RASAL2: variants seen among roughly 807,000 people sequenced by gnomAD.
The protein encoded by RASAL2 is ras GTPase-activating protein nGAP.
A neutral mutation model predicts 128.9 loss-of-function variants in RASAL2; 58 were observed. The ratio of observed to expected loss-of-function variants is 0.45; its 90% CI spans 0.36 to 0.56. The LOEUF (loss-of-function observed/expected upper bound fraction) is 0.56. Ranked by LOEUF, RASAL2 falls within the 20% of genes least tolerant of loss-of-function variation. The pLI, the probability that RASAL2 is intolerant of heterozygous loss-of-function variation, is 0.00. For missense variants in RASAL2, 1,360 were observed against 1,601.6 expected (o/e 0.85, Z 2.57); for synonymous variants, 561 against 580.8 (o/e 0.97, Z 0.49).
At chr1:178,094,721 C>T (rs2102203187) in intron 1 of RASAL2, 27 bp downstream of exon 1, 1 of 1,611,292 alleles carries the variant, frequency 6.2e-7, no homozygotes, top group Non-Finnish European at 8.5e-7. Flanking sequence ...GTCTTAGAGG[C>T]TGGTGTTTCC....
intron 1 of RASAL2, among the ~76,000 whole-genome samples, chr1:178,153,425 T>G (rs1215950715): frequency 6.6e-6 from 1 of 152,242 alleles, no homozygotes; most frequent in African/African-American, 2.4e-5. Flanking sequence ...CAGAACATTT[T>G]GATTACTCTA....
chr1:178,452,591 C>A lies in RASAL2; in HGVS notation c.1948C>A (p.Arg650Ser). Residue 650 changes from arginine to serine, a missense_variant, in exon 11 of 18, where the codon CGC becomes AGC. Arg to Ser is a moderately radical substitution (Grantham distance 110). Transcript: ENST00000367649. ...FNLMQEYPDDRTSRTLTLIAK... is the reference protein window; with the variant it reads ...FNLMQEYPDDSTSRTLTLIAK... ...CCTTATGCAGGAGTATCCTGATGAC[C>A]GCACATCTCGGACTCTAACTCTTAT... 1 of 1,613,990 alleles carries A rather than the reference C, an allele frequency of 6.2e-7. No homozygotes were observed. The highest frequency in any genetic ancestry group is 8.5e-7 in the Non-Finnish European group (1 of 1,179,930).
intron 3 of RASAL2, among the ~76,000 whole-genome samples, chr1:178,340,283 TCTA>T (rs1571888492): frequency 2.6e-5 from 4 of 152,186 alleles, no homozygotes; most frequent in Admixed American, 2.0e-4. Context: ...TCTCTTCTGT[TCTA>T]CTGCTTTAAT....
chr1:178,348,578 C>T (rs139090666), intron 3 of RASAL2, among the ~76,000 whole-genome samples: 2 of 152,288 alleles, frequency 1.3e-5, no homozygotes, highest in East Asian at 3.9e-4. Flanking sequence ...GGATTACAGG[C>T]ATGAGCTACC....
chr1:178,220,026 G>A (rs1663563204), intron 1 of RASAL2, among the ~76,000 whole-genome samples: 1 of 151,906 alleles, frequency 6.6e-6, no homozygotes, highest in African/African-American at 2.4e-5. Context: ...AAAAGAGTGT[G>A]GTATGTCCTC....
chr1:178,361,979 A>G (rs144502254), intron 3 of RASAL2, among the ~76,000 whole-genome samples: 1 of 152,092 alleles, frequency 6.6e-6, no homozygotes, highest in East Asian at 1.9e-4. Context: ...TGCTTCTGTG[A>G]GAATCTGATG....
intron 3 of RASAL2, among the ~76,000 whole-genome samples, chr1:178,365,764 T>C (rs1057141682): frequency 6.6e-6 from 1 of 152,162 alleles, no homozygotes; most frequent in African/African-American, 2.4e-5. Context: ...TGAGCCACCA[T>C]GCCAACCTAG....
At chr1:178,270,444 ATTATG>A (rs1666193603) in intron 1 of RASAL2, among the ~76,000 whole-genome samples, 1 of 151,160 alleles carries the variant, frequency 6.6e-6, no homozygotes, top group African/African-American at 2.4e-5. Flanking sequence ...CATTTCTGCT[ATTATG>A]TTTTTAATAT....
At chr1:178,341,439 T>C in intron 3 of RASAL2, 2 of 1,460,796 alleles carry the variant, frequency 1.4e-6, no homozygotes, top group Non-Finnish European at 1.8e-6. Context: ...GCATTGGCTC[T>C]GGCTTTTCTG....
At chr1:178,252,682 TA>T (rs1345218470) in intron 1 of RASAL2, among the ~76,000 whole-genome samples, 1 of 152,108 alleles carries the variant, frequency 6.6e-6, no homozygotes, top group African/African-American at 2.4e-5. Flanking sequence ...AGATATGAAT[TA>T]AAGGGAAAAA....
At chr1:178,232,307 A>T (rs762953661) in intron 1 of RASAL2, among the ~76,000 whole-genome samples, 37 of 152,210 alleles carry the variant, frequency 2.4e-4, no homozygotes, top group Admixed American at 1.3e-4. Flanking sequence ...AATTTTAAGT[A>T]GTCAGCTCTT....
chr1:178,404,070 C>G (rs1413117819), intron 4 of RASAL2, among the ~76,000 whole-genome samples: 1 of 151,410 alleles, frequency 6.6e-6, no homozygotes, highest in African/African-American at 2.4e-5. Flanking sequence ...ACTAAAAATA[C>G]AAAAAATTAG....
intron 3 of RASAL2, among the ~76,000 whole-genome samples, chr1:178,355,867 C>T (rs888660431): frequency 6.6e-6 from 1 of 152,108 alleles, no homozygotes; most frequent in African/African-American, 2.4e-5. Flanking sequence ...CAAGGAATCC[C>T]AAGTTAAAAC....
Position 178,465,938 on chromosome 1 carries a change from A to G in RASAL2, c.3406A>G (p.Lys1136Glu), listed in dbSNP as rs753329312. 6 of 1,552,756 alleles carry G rather than the reference A, an allele frequency of 3.9e-6. No homozygotes were observed. In the South Asian group the frequency reaches 7.1e-5, roughly 18 times the overall value. The change falls in exon 16 of 18, where the codon AAA (lysine) becomes GAA (glutamate). Residue 1136 changes from lysine (K) to glutamate (E), a missense_variant. By Grantham distance (56) the Lys-to-Glu change is moderately conservative. Transcript: ENST00000367649. ...HAEKYEQEIT[K>E]LKERLRVSSR... ...GCCCTAGTATGAACAAGAAATTACT[A>G]AACTGAAGGAGCGCCTGAGAGTTTC...
Position 178,473,503 on chromosome 1 carries a change from G to T in RASAL2, c.*264G>T. 6.3e-6 allele frequency: 3 copies of T among 475,498 alleles called. No individual in the cohort carries two copies. The highest frequency in any genetic ancestry group is 3.8e-5 in the East Asian group (1 of 26,346). The allele number at this position is 475,498 out of a possible 1,614,324, so 29.5% of individuals were successfully genotyped here. On this transcript the variant is annotated 3_prime_UTR_variant, in exon 18 of 18. Coordinates refer to ENST00000367649, the MANE Select transcript of RASAL2 (RefSeq NM_170692.4). The stretch of plus-strand genomic sequence containing the variant: ...AAAATATCACTGTAATATACCAAAA[G>T]GAAGTTAATAATGTAGATTACCTTT...
In RASAL2 at chr1:178,283,587, C is replaced by A. The variant is rs368618531; in HGVS notation, c.226C>A (p.Arg76Ser). 1.2e-6 allele frequency: 2 copies of A among 1,613,180 alleles called. No homozygotes were observed. The highest frequency in any genetic ancestry group is 3.3e-5 in the Admixed American group (2 of 59,886). Residue 76 changes from arginine to serine, a missense_variant, in exon 2 of 18, where the codon CGT becomes AGT. Coordinates refer to ENST00000367649, the MANE Select transcript of RASAL2 (RefSeq NM_170692.4). ...AGATGTGAAAGGACCACCCACCCAC[C>A]GTCTGTCTTGTGGTCAGTCACCCTA... ...VYDVKGPPTH[R>S]LSCGQSPYTE...
At chr1:178,407,352 T>C (rs1238966766) in intron 4 of RASAL2, among the ~76,000 whole-genome samples, 1 of 152,206 alleles carries the variant, frequency 6.6e-6, no homozygotes, top group African/African-American at 2.4e-5. Context: ...AGAATTACGT[T>C]TTAGTCAACA....
At chr1:178,388,618 T>A (rs908668567) in intron 3 of RASAL2, among the ~76,000 whole-genome samples, 60 of 152,298 alleles carry the variant, frequency 3.9e-4, no homozygotes, top group African/African-American at 1.3e-3. Context: ...AGTCAAGATG[T>A]CACAGAGAAG....
intron 1 of RASAL2, among the ~76,000 whole-genome samples, chr1:178,197,611 G>GAA (rs57628750): frequency 3.0e-4 from 28 of 94,240 alleles, no homozygotes; most frequent in South Asian, 3.7e-4. Context: ...TCCATCTGGG[G>GAA]AAAAAAAAAA....
Sources: gnomAD v4.1 joint callset for allele counts (sites outside exome capture counted in the v4.1 genomes callset) on GRCh38, gnomAD v4.1.1 for gene constraint, MANE v1.5 for transcripts, NCBI Gene and HGNC (gene_info 2026-07-23, HGNC 2026-07-21) for gene names.